RAP1A: variants seen among roughly 807,000 people sequenced by gnomAD.
RAP1A encodes RAP1A, member of RAS oncogene family.
In RAP1A, 6 loss-of-function variants were observed where a neutral mutation model predicts 26.4. The observed-to-expected ratio is 0.23, with a 90% confidence interval of 0.12 to 0.45. The LOEUF (loss-of-function observed/expected upper bound fraction) is 0.45, where lower values mean the gene tolerates loss of function less well. Ranked by LOEUF, RAP1A falls within the 20% of genes least tolerant of loss-of-function variation. RAP1A has a pLI of 0.99. For missense variants in RAP1A, 121 were observed against 217.2 expected (o/e 0.56, Z 2.78); for synonymous variants, 73 against 79.4 (o/e 0.92, Z 0.43).
At chr1:111,646,422 A>T in intron 1 of RAP1A, among the ~76,000 whole-genome samples, 1 of 138,634 alleles carries the variant, frequency 7.2e-6, no homozygotes, top group South Asian at 2.1e-4. Flanking sequence ...CCTTTTTGTA[A>T]AAAAAAAAAA....
chr1:111,673,953 G>A (rs1661050026), intron 1 of RAP1A, among the ~76,000 whole-genome samples: 1 of 152,084 alleles, frequency 6.6e-6, no homozygotes, highest in South Asian at 2.1e-4. Flanking sequence ...AAATGGCTTT[G>A]GAACTTGAAT....
rs538524764 is a variant in RAP1A at position 111,628,439 on chromosome 1, T to C, written c.-28+8505T>C. Among the ~76,000 whole-genome samples the C allele has an allele frequency of 3.3e-5, 5 of 152,246 alleles. No homozygotes were observed. In the East Asian group the frequency reaches 9.6e-4, roughly 29 times the overall value. On this transcript the variant is annotated intron_variant, in intron 1 of 7. Coordinates refer to ENST00000369709, the MANE Select transcript of RAP1A (RefSeq NM_002884.4). Reference sequence around the variant, plus strand: ...TAGGCTTTTGTATAGTTAGAAAATATGGAGATAAGGGAGAATTATGGAGAT... The same window carrying C: ...TAGGCTTTTGTATAGTTAGAAAATACGGAGATAAGGGAGAATTATGGAGAT...
chr1:111,669,021 C>A (rs60599636), intron 1 of RAP1A, among the ~76,000 whole-genome samples: 1 of 79,530 alleles, frequency 1.3e-5, no homozygotes. Context: ...GAGACCCTAT[C>A]TCAAGAAAAA....
chr1:111,558,681 C>T (rs950052930), intron 1 of RAP1A, among the ~76,000 whole-genome samples: 56 of 152,222 alleles, frequency 3.7e-4, no homozygotes, highest in African/African-American at 1.3e-3. Context: ...ACATAACCAT[C>T]AATGTTTTTA....
At chr1:111,635,054 G>T (rs1240559399) in intron 1 of RAP1A, among the ~76,000 whole-genome samples, 1 of 152,116 alleles carries the variant, frequency 6.6e-6, no homozygotes, top group Non-Finnish European at 1.5e-5. Context: ...GATAAAATGA[G>T]TTAAAGGCTT....
upstream of RAP1A, among the ~76,000 whole-genome samples, chr1:111,615,763 G>A (rs949910198): frequency 1.3e-5 from 2 of 151,262 alleles, no homozygotes; most frequent in African/African-American, 4.9e-5. Flanking sequence ...CCTGGGAGGT[G>A]GAGGTTGCAG....
At chr1:111,712,363 T>G (rs1662410301) in intron 7 of RAP1A, 68 bp from the exon 8 acceptor site, 1 of 152,534 alleles carries the variant, frequency 6.6e-6, no homozygotes, top group South Asian at 2.1e-4. Context: ...TACCTGCTTG[T>G]TTAGTACCAT....
chr1:111,626,070 GTTTAT>G (rs2101096272), intron 1 of RAP1A, among the ~76,000 whole-genome samples: 1 of 152,284 alleles, frequency 6.6e-6, no homozygotes, highest in South Asian at 2.1e-4. Context: ...TAGTCTAGCA[GTTTAT>G]TTTGTTTGCC....
At chr1:111,553,424 C>T (rs763122588) in intron 1 of RAP1A, among the ~76,000 whole-genome samples, 5 of 152,162 alleles carry the variant, frequency 3.3e-5, no homozygotes, top group Non-Finnish European at 5.9e-5. Flanking sequence ...TTAATAGAGT[C>T]GTTTGTCTCT....
chr1:111,631,881 GT>G (rs1271326640), intron 1 of RAP1A, among the ~76,000 whole-genome samples: 5 of 150,392 alleles, frequency 3.3e-5, no homozygotes, highest in African/African-American at 1.2e-4. Flanking sequence ...TGTTAACTGA[GT>G]AATTTGTAGA....
At chr1:111,574,115 T>C (rs934165141) in intron 1 of RAP1A, among the ~76,000 whole-genome samples, 1 of 152,238 alleles carries the variant, frequency 6.6e-6, no homozygotes, top group Non-Finnish European at 1.5e-5. Context: ...CTTTAATCTA[T>C]CTTCAGTTGA....
At chr1:111,657,877 A>G (rs763431631) in intron 1 of RAP1A, among the ~76,000 whole-genome samples, 13 of 152,158 alleles carry the variant, frequency 8.5e-5, no homozygotes, top group Non-Finnish European at 1.5e-4. Flanking sequence ...TCTTTGAACT[A>G]TGGATTATTT....
At chr1:111,647,429 GT>G (rs1223822067) in intron 1 of RAP1A, among the ~76,000 whole-genome samples, 3 of 152,096 alleles carry the variant, frequency 2.0e-5, no homozygotes, top group African/African-American at 7.2e-5. Flanking sequence ...AATGTAATGC[GT>G]TTGAATCATC....
At chr1:111,699,391 C>T (rs1001337094) in intron 4 of RAP1A, among the ~76,000 whole-genome samples, 1 of 151,614 alleles carries the variant, frequency 6.6e-6, no homozygotes, top group African/African-American at 2.4e-5. Context: ...AGTATAATAC[C>T]TCTCTAATCT....
chr1:111,619,033 T>C (rs1185497422), upstream of RAP1A, among the ~76,000 whole-genome samples: 1 of 152,206 alleles, frequency 6.6e-6, no homozygotes, highest in African/African-American at 2.4e-5. Context: ...GTTCCTGTTA[T>C]AATGGCCCAC....
At chr1:111,617,791 C>A (rs1450372414), upstream of RAP1A, among the ~76,000 whole-genome samples, 1 of 151,096 alleles carries the variant, frequency 6.6e-6, no homozygotes, top group African/African-American at 2.4e-5. Context: ...CACCTGTAAT[C>A]CCAACACTTT....
At chr1:111,660,308 T>TC (rs1026895686) in intron 1 of RAP1A, among the ~76,000 whole-genome samples, 2 of 152,074 alleles carry the variant, frequency 1.3e-5, no homozygotes, top group African/African-American at 4.8e-5. Context: ...TAAGATGTTT[T>TC]CCCCCCCTCT....
chr1:111,617,636 G>C (rs1055767271), upstream of RAP1A, among the ~76,000 whole-genome samples: 1 of 151,190 alleles, frequency 6.6e-6, no homozygotes, highest in Non-Finnish European at 1.5e-5. Flanking sequence ...GGGTTTCACC[G>C]TGTTAGCCAG....
intron 1 of RAP1A, among the ~76,000 whole-genome samples, chr1:111,553,579 T>C (rs75222659): frequency 0.031 from 4,711 of 152,312 alleles, 227 homozygotes; most frequent in African/African-American, 0.11. Flanking sequence ...TAAACCTAAT[T>C]TCTACTGGTT....
Sources: gnomAD v4.1 joint callset for allele counts (sites outside exome capture counted in the v4.1 genomes callset) on GRCh38, gnomAD v4.1.1 for gene constraint, MANE v1.5 for transcripts, NCBI Gene and HGNC (gene_info 2026-07-23, HGNC 2026-07-21) for gene names.